The following PARVB variants were observed in gnomAD, a reference collection of about 807,000 sequenced individuals.
PARVB encodes the protein parvin beta.
A neutral mutation model predicts 47.0 loss-of-function variants in PARVB; 46 were observed. That is an observed-to-expected ratio of 0.98 (90% CI 0.77 to 1.25). The LOEUF (loss-of-function observed/expected upper bound fraction) is 1.25, where lower values mean the gene tolerates loss of function less well. Ranked by LOEUF, PARVB falls within the 50% of genes most tolerant of loss-of-function variation. PARVB has a pLI of 0.00. For synonymous variants in PARVB, 196 were observed against 196.3 expected (o/e 1.00, Z 0.01); for missense variants, 473 against 471.6 (o/e 1.00, Z -0.03).
At chr22:44,093,888 G>A (rs1441735831) in intron 1 of PARVB, 40 bp from the exon 2 acceptor site, 14 of 1,367,790 alleles carry the variant, frequency 1.0e-5, no homozygotes, top group Admixed American at 3.5e-5. Flanking sequence ...ACGGCACTCC[G>A]TGTATACTAA....
intron 2 of PARVB, among the ~76,000 whole-genome samples, chr22:44,004,399 C>G (rs900893163): frequency 6.6e-6 from 1 of 151,870 alleles, no homozygotes; most frequent in African/African-American, 2.4e-5. Context: ...AAAGTGTGAC[C>G]CCCCCCTTAC....
intron 7 of PARVB, chr22:44,139,841 C>T: frequency 2.2e-6 from 1 of 454,890 alleles, no homozygotes; most frequent in Non-Finnish European, 4.0e-6. Flanking sequence ...TAAGTACCTC[C>T]CCTCCAAACA....
At chr22:44,157,435 G>A (rs1309965827) in intron 10 of PARVB, among the ~76,000 whole-genome samples, 2 of 152,176 alleles carry the variant, frequency 1.3e-5, no homozygotes, top group African/African-American at 4.8e-5. Context: ...CATCATATTT[G>A]GTCTTTGCAG....
At chr22:44,129,436 G>A (rs2053262345) in intron 4 of PARVB, among the ~76,000 whole-genome samples, 1 of 152,186 alleles carries the variant, frequency 6.6e-6, no homozygotes, top group Admixed American at 6.5e-5. Context: ...CTCCACCCTG[G>A]GTGACGTGGC....
At chr22:44,015,559 C>T (rs372200243) in intron 2 of PARVB, among the ~76,000 whole-genome samples, 2 of 152,230 alleles carry the variant, frequency 1.3e-5, no homozygotes, top group East Asian at 1.9e-4. Context: ...TGACTCATGC[C>T]TGTAATCCCA....
At chr22:44,087,360 C>A (rs1475553345) in intron 1 of PARVB, among the ~76,000 whole-genome samples, 1 of 152,186 alleles carries the variant, frequency 6.6e-6, no homozygotes, top group Admixed American at 6.5e-5. Context: ...ATGGAGTTGC[C>A]ATTGCTCTGG....
chr22:44,117,484 C>T (rs1278608020), intron 3 of PARVB, among the ~76,000 whole-genome samples: 1 of 152,142 alleles, frequency 6.6e-6, no homozygotes, highest in African/African-American at 2.4e-5. Flanking sequence ...AGCCACCTCG[C>T]AGAGAGAGCC....
At chr22:44,004,011 G>T (rs1203994416) in intron 2 of PARVB, among the ~76,000 whole-genome samples, 1 of 152,190 alleles carries the variant, frequency 6.6e-6, no homozygotes, top group Non-Finnish European at 1.5e-5. Flanking sequence ...ACTTTGCCAG[G>T]TGCTGGCCCT....
chr22:44,157,401 C>A (rs985689035), intron 10 of PARVB, among the ~76,000 whole-genome samples: 1 of 152,232 alleles, frequency 6.6e-6, no homozygotes, highest in Non-Finnish European at 1.5e-5. Context: ...CCTAGCCAGG[C>A]AGCTGCACTC....
chr22:44,075,673 C>G (rs144596485), intron 1 of PARVB, among the ~76,000 whole-genome samples: 2 of 152,252 alleles, frequency 1.3e-5, no homozygotes, highest in Non-Finnish European at 2.9e-5. Flanking sequence ...CCCACAGGGT[C>G]GTGCAGTTGG....
chr22:44,043,865 A>G (rs1218953726), intron 1 of PARVB, among the ~76,000 whole-genome samples: 1 of 152,128 alleles, frequency 6.6e-6, no homozygotes, highest in African/African-American at 2.4e-5. Flanking sequence ...TGGATCCGGG[A>G]CAGACATGGA....
chr22:44,097,731 C>G (rs760676475), intron 2 of PARVB, among the ~76,000 whole-genome samples: 1 of 152,162 alleles, frequency 6.6e-6, no homozygotes, highest in Non-Finnish European at 1.5e-5. Flanking sequence ...TGCTGTCCAC[C>G]CTCTCAGGCC....
chr22:43,999,380 A>G, exon 1 of PARVB: 2 of 1,611,046 alleles, frequency 1.2e-6, no homozygotes, highest in Non-Finnish European at 1.7e-6. Context: ...AGGAGAGAAA[A>G]GGGGATTCCT....
chr22:44,025,476 AT>A (rs921255750), intron 1 of PARVB, among the ~76,000 whole-genome samples: 1 of 151,938 alleles, frequency 6.6e-6, no homozygotes, highest in Non-Finnish European at 1.5e-5. Context: ...GCTCCCCAGG[AT>A]TTTTGTACAG....
At chr22:44,072,152 C>G (rs1358813419) in intron 1 of PARVB, among the ~76,000 whole-genome samples, 1 of 152,224 alleles carries the variant, frequency 6.6e-6, no homozygotes, top group Non-Finnish European at 1.5e-5. Flanking sequence ...TTTTCCTTGG[C>G]AAGTCCTTGC....
chr22:44,100,316 C>A (rs970453324), intron 3 of PARVB, among the ~76,000 whole-genome samples, 193 bp downstream of exon 3: 1 of 152,140 alleles, frequency 6.6e-6, no homozygotes, highest in East Asian at 1.9e-4. Flanking sequence ...CCAAGCGCCT[C>A]CCATGTGCCC....
chr22:44,159,325 G>C (rs1176159609), intron 11 of PARVB, among the ~76,000 whole-genome samples: 1 of 152,200 alleles, frequency 6.6e-6, no homozygotes, highest in African/African-American at 2.4e-5. Context: ...CCTAGGGCTG[G>C]TTTCTTTCCA....
At chr22:44,043,215 GA>G (rs1319624945) in intron 1 of PARVB, among the ~76,000 whole-genome samples, 1 of 152,166 alleles carries the variant, frequency 6.6e-6, no homozygotes, top group East Asian at 1.9e-4. Flanking sequence ...GATAGAGACA[GA>G]AAGTAAGATT....
chr22:44,147,634 T>A, intron 8 of PARVB: 1 of 727,454 alleles, frequency 1.4e-6, no homozygotes, highest in Non-Finnish European at 2.5e-6. Context: ...CAGCCTCTAG[T>A]CCACGCTGTT....
Sources: allele counts gnomAD v4.1 joint callset (sites outside exome capture counted in the v4.1 genomes callset), GRCh38; gene constraint gnomAD v4.1.1; transcripts MANE v1.5; gene names NCBI Gene and HGNC (gene_info 2026-07-23, HGNC 2026-07-21).